The following SNCAIP variants were observed in gnomAD, a reference collection of about 807,000 sequenced individuals.
The protein encoded by SNCAIP is synphilin-1.
A neutral mutation model predicts 86.7 loss-of-function variants in SNCAIP; 43 were observed. That is an observed-to-expected ratio of 0.50 (90% CI 0.39 to 0.64). The LOEUF is 0.64. Among genes scored for constraint, SNCAIP ranks in the 30% least tolerant of loss-of-function variants. The pLI is 0.00. For synonymous variants in SNCAIP, 417 were observed against 427.2 expected, an observed-to-expected ratio of 0.98 and a Z score of 0.29; for missense variants, 981 against 1,103.1, an observed-to-expected ratio of 0.89 and a Z score of 1.57.
At chr5:122,343,886 T>C (rs545619837) in intron 1 of SNCAIP, among the ~76,000 whole-genome samples, 1 of 152,348 alleles carries the variant, frequency 6.6e-6, no homozygotes, top group East Asian at 1.9e-4. Context: ...AGAAACCAGT[T>C]AGACATCAAA....
chr5:122,384,249 C>A (rs56165146), intron 1 of SNCAIP, among the ~76,000 whole-genome samples: 1,821 of 152,178 alleles, frequency 0.012, 30 homozygotes, highest in African/African-American at 0.04. Flanking sequence ...TAGTGCATAA[C>A]CTTGGATGGA....
Position 122,380,124 on chromosome 5 carries a change from C to T in SNCAIP, c.-46-10965C>T, listed in dbSNP as rs554499920. 2.0e-3 allele frequency among the ~76,000 whole-genome samples: 311 copies of T among 152,180 alleles called. 3 individuals carry two copies. The highest frequency in any genetic ancestry group is 7.0e-3 in the African/African-American group (292 of 41,522). On this transcript the variant is annotated intron_variant, in intron 1 of 10. Coordinates refer to ENST00000261368, the MANE Select transcript of SNCAIP (RefSeq NM_005460.4). ...AGTTTCAGAAGGAATGGTACCAGCGCCTCCTTGTACCTCTGGTAGAATTCG... is the reference window on the plus strand; with the variant it reads ...AGTTTCAGAAGGAATGGTACCAGCGTCTCCTTGTACCTCTGGTAGAATTCG...
intron 9 of SNCAIP, 97 bp from the exon 10 acceptor site, chr5:122,450,436 A>T: frequency 1.2e-6 from 1 of 854,246 alleles, no homozygotes; most frequent in Non-Finnish European, 2.0e-6. Context: ...GTTCTTATTT[A>T]CTTATACATT....
intron 6 of SNCAIP, among the ~76,000 whole-genome samples, chr5:122,435,988 A>G (rs1189711951): frequency 1.3e-5 from 2 of 152,158 alleles, no homozygotes; most frequent in African/African-American, 4.8e-5. Context: ...ACAGACTGAC[A>G]GGCAGTTAAC....
At chr5:122,357,853 T>TGGACAGCAC (rs1269045076) in intron 1 of SNCAIP, among the ~76,000 whole-genome samples, 1 of 152,084 alleles carries the variant, frequency 6.6e-6, no homozygotes, top group African/African-American at 2.4e-5. Context: ...GCTACCACAT[T>TGGACAGCAC]GGACAGCACA....
intron 1 of SNCAIP, among the ~76,000 whole-genome samples, chr5:122,340,671 C>T (rs1757386713): frequency 6.6e-6 from 1 of 152,180 alleles, no homozygotes; most frequent in South Asian, 2.1e-4. Flanking sequence ...ACATTGCATA[C>T]TATCCTATTT....
chr5:122,316,344 T>G lies in SNCAIP; in HGVS notation c.-47+4060T>G, dbSNP rs57531816. Among the ~76,000 whole-genome samples, 1,060 of 152,234 alleles carry G rather than the reference T, an allele frequency of 7.0e-3. 8 individuals are homozygous for G. Among genetic ancestry groups the G allele is most frequent in the African/African-American group, 0.025 (1,018 of 41,530 alleles). Reference sequence around the variant, plus strand: ...CACCTTTGACTTAATTTGAGTGGCATCCACACTCCTGAGCCAGTAGCACTG... The same window carrying G: ...CACCTTTGACTTAATTTGAGTGGCAGCCACACTCCTGAGCCAGTAGCACTG... On this transcript the variant is annotated intron_variant, in intron 1 of 10. Transcript: ENST00000261368.
At chr5:122,329,022 A>G (rs1016305693) in intron 1 of SNCAIP, among the ~76,000 whole-genome samples, 3 of 152,136 alleles carry the variant, frequency 2.0e-5, no homozygotes, top group Non-Finnish European at 2.9e-5. Context: ...TTGTATGGTG[A>G]TAAATTATTT....
chr5:122,433,586 A>C (rs997269303), intron 6 of SNCAIP, among the ~76,000 whole-genome samples: 1 of 152,206 alleles, frequency 6.6e-6, no homozygotes, highest in Non-Finnish European at 1.5e-5. Context: ...CAAATTTATG[A>C]AATGGAGAAA....
At position 122,345,337 on chromosome 5, in the gene SNCAIP, A is replaced by T. The variant is rs1391049485; in HGVS notation, c.-47+33053A>T. Reference sequence around the variant, plus strand: ...CATACAGTCAAAATAGTTAGTAAAAATAATGGATTTGTTTTTGTTTTTCCT... The same window carrying T: ...CATACAGTCAAAATAGTTAGTAAAATTAATGGATTTGTTTTTGTTTTTCCT... On this transcript the variant is annotated intron_variant, in intron 1 of 10. Coordinates refer to ENST00000261368, the MANE Select transcript of SNCAIP (RefSeq NM_005460.4). Among the ~76,000 whole-genome samples, 3 of 152,216 alleles carry T rather than the reference A, an allele frequency of 2.0e-5. No homozygotes were observed. In the East Asian group the frequency reaches 5.8e-4, roughly 29 times the overall value.
chr5:122,417,168 A>T (rs1280585271), intron 3 of SNCAIP, among the ~76,000 whole-genome samples: 1 of 152,246 alleles, frequency 6.6e-6, no homozygotes, highest in East Asian at 1.9e-4. Context: ...CTGTTGCAAC[A>T]GCAAACTGTC....
At chr5:122,366,034 C>T (rs921586680) in intron 1 of SNCAIP, among the ~76,000 whole-genome samples, 1 of 152,054 alleles carries the variant, frequency 6.6e-6, no homozygotes, top group African/African-American at 2.4e-5. Context: ...AAAGGGCAAG[C>T]AAGTGAATTA....
At chr5:122,416,404 C>T (rs895658581) in intron 3 of SNCAIP, among the ~76,000 whole-genome samples, 1 of 152,206 alleles carries the variant, frequency 6.6e-6, no homozygotes, top group Non-Finnish European at 1.5e-5. Flanking sequence ...CTTCCTCAGC[C>T]TCACATTACC....
At chr5:122,426,560 G>A (rs75006272) in intron 5 of SNCAIP, among the ~76,000 whole-genome samples, 32,716 of 151,786 alleles carry the variant, frequency 0.22, 4,018 homozygotes, top group South Asian at 0.32. Context: ...AATTTTGCTC[G>A]GTTAAGCAAG....
intron 8 of SNCAIP, among the ~76,000 whole-genome samples, chr5:122,448,884 C>T (rs1430156749): frequency 2.7e-5 from 4 of 149,612 alleles, no homozygotes; most frequent in East Asian, 2.0e-4. Context: ...GGCGGAGTGG[C>T]GGGTGCCTGT....
intron 3 of SNCAIP, among the ~76,000 whole-genome samples, chr5:122,421,452 G>A (rs548540866): frequency 2.0e-5 from 3 of 152,286 alleles, no homozygotes; most frequent in Admixed American, 1.3e-4. Context: ...CTTAAATTTA[G>A]GGAACTTTAA....
At chr5:122,313,703 GTTAGAGTA>G (rs1751133459) in intron 1 of SNCAIP, among the ~76,000 whole-genome samples, 1 of 152,208 alleles carries the variant, frequency 6.6e-6, no homozygotes, top group Non-Finnish European at 1.5e-5. Context: ...ATTCAGCATG[GTTAGAGTA>G]CAAGGAGACA....
intron 3 of SNCAIP, among the ~76,000 whole-genome samples, chr5:122,420,511 GGTAATT>G (rs1282608604): frequency 6.6e-6 from 1 of 151,912 alleles, no homozygotes. Context: ...AAGAAATCAA[GGTAATT>G]GGCAAAATAT....
intron 1 of SNCAIP, among the ~76,000 whole-genome samples, chr5:122,379,920 T>C (rs1387871067): frequency 6.6e-6 from 1 of 152,178 alleles, no homozygotes; most frequent in African/African-American, 2.4e-5. Flanking sequence ...AGCTTTTTGA[T>C]GTGTTGCTGG....
Sources: allele counts gnomAD v4.1 joint callset (sites outside exome capture counted in the v4.1 genomes callset), GRCh38; gene constraint gnomAD v4.1.1; transcripts MANE v1.5; gene names NCBI Gene and HGNC (gene_info 2026-07-23, HGNC 2026-07-21).